The following SAMD4A variants were observed in gnomAD, a reference collection of about 807,000 sequenced individuals.
The protein encoded by SAMD4A is sterile alpha motif domain containing 4A.
A neutral mutation model predicts 81.3 loss-of-function variants in SAMD4A; 33 were observed. The observed-to-expected ratio is 0.41, with a 90% CI of 0.31 to 0.54. SAMD4A has a LOEUF of 0.54. SAMD4A is among the 20% of genes least tolerant of loss of function. SAMD4A has a pLI of 0.37. For synonymous variants in SAMD4A, 389 were observed against 382.1 expected, an observed-to-expected ratio of 1.02 and a Z score of -0.21; for missense variants, 854 against 951.1, an observed-to-expected ratio of 0.90 and a Z score of 1.34.
At chr14:54,635,806 T>G (rs1439372015) in intron 2 of SAMD4A, among the ~76,000 whole-genome samples, 1 of 152,036 alleles carries the variant, frequency 6.6e-6, no homozygotes, top group African/African-American at 2.4e-5. Context: ...CACTGCAAAT[T>G]AAACCACCAG....
chr14:54,609,990 G>A (rs550139141), intron 2 of SAMD4A, among the ~76,000 whole-genome samples: 30 of 152,272 alleles, frequency 2.0e-4, no homozygotes, highest in African/African-American at 6.3e-4. Flanking sequence ...TTAAATCAGC[G>A]TACCTCAGGT....
At chr14:54,696,109 G>A (rs2036572301) in intron 2 of SAMD4A, among the ~76,000 whole-genome samples, 1 of 152,074 alleles carries the variant, frequency 6.6e-6, no homozygotes, top group Admixed American at 6.5e-5. Flanking sequence ...CCACTAGCAG[G>A]GCTCCCACCA....
chr14:54,626,059 T>TGCGCGCGCGCGC (rs113491666), intron 2 of SAMD4A, among the ~76,000 whole-genome samples: 11 of 102,096 alleles, frequency 1.1e-4, no homozygotes, highest in East Asian at 2.7e-4. Context: ...TGTGTGTGTG[T>TGCGCGCGCGCGC]GCGCGCGCGC....
intron 3 of SAMD4A, among the ~76,000 whole-genome samples, chr14:54,731,004 G>C (rs2037546520): frequency 6.6e-6 from 1 of 152,128 alleles, no homozygotes; most frequent in Admixed American, 6.6e-5. Flanking sequence ...TTATACAAGT[G>C]GTGTTAGCAG....
chr14:54,584,526 C>CTT (rs1428691076), intron 2 of SAMD4A, among the ~76,000 whole-genome samples: 2 of 152,066 alleles, frequency 1.3e-5, no homozygotes, highest in African/African-American at 4.8e-5. Flanking sequence ...TCAAGTTAAC[C>CTT]ATCAGTACAG....
chr14:54,611,663 G>A (rs2034358753), intron 2 of SAMD4A, among the ~76,000 whole-genome samples: 1 of 152,008 alleles, frequency 6.6e-6, no homozygotes, highest in Non-Finnish European at 1.5e-5. Context: ...GATGACTTGA[G>A]GTCAAGAGTT....
At position 54,603,806 on chromosome 14, in the gene SAMD4A, GTTTGTTTA is replaced by G. The variant is rs576394412; in HGVS notation, c.196+35714_196+35721del. Among the ~76,000 whole-genome samples, 525 of 149,484 alleles carry G rather than the reference GTTTGTTTA, an allele frequency of 3.5e-3. 4 individuals carry two copies. The highest frequency in any genetic ancestry group is 9.9e-3 in the African/African-American group (404 of 40,734). On this transcript the variant is annotated intron_variant, in intron 2 of 12. Transcript: ENST00000554335. ...TTTCCATTATTTTATTTGTTTGTTT[GTTTGTTTA>G]TTTGTTTATTTGTTTATTTATTTAT...
At chr14:54,752,999 C>T (rs2038147615) in intron 6 of SAMD4A, among the ~76,000 whole-genome samples, 1 of 152,272 alleles carries the variant, frequency 6.6e-6, no homozygotes, top group Admixed American at 6.5e-5. Context: ...GCAAACCTGT[C>T]TTGCCTCCCA....
At chr14:54,742,154 A>G (rs566296322) in intron 4 of SAMD4A, among the ~76,000 whole-genome samples, 1 of 152,260 alleles carries the variant, frequency 6.6e-6, no homozygotes, top group South Asian at 2.1e-4. Flanking sequence ...TGCAAGCAGC[A>G]GTGAGAATAG....
chr14:54,589,079 A>G (rs1436172988), intron 2 of SAMD4A, among the ~76,000 whole-genome samples: 1 of 152,226 alleles, frequency 6.6e-6, no homozygotes. Context: ...TAAACAGTAT[A>G]TCAAAGAGCT....
intron 2 of SAMD4A, among the ~76,000 whole-genome samples, chr14:54,621,833 T>C (rs1220760043): frequency 6.6e-6 from 1 of 152,170 alleles, no homozygotes; most frequent in Non-Finnish European, 1.5e-5. Context: ...GTTTTGTAAG[T>C]GTGTCCAAGT....
At chr14:54,723,467 C>T (rs2037315575) in intron 3 of SAMD4A, among the ~76,000 whole-genome samples, 1 of 152,186 alleles carries the variant, frequency 6.6e-6, no homozygotes, top group African/African-American at 2.4e-5. Flanking sequence ...TCCCCTGATA[C>T]TGTCCCTCTA....
intron 9 of SAMD4A, among the ~76,000 whole-genome samples, chr14:54,774,398 CA>C (rs1229624839): frequency 1.3e-5 from 2 of 152,176 alleles, no homozygotes; most frequent in Non-Finnish European, 2.9e-5. Flanking sequence ...CTGTAGGCTT[CA>C]TAACTGTCAA....
At position 54,768,946 on chromosome 14, in the gene SAMD4A, C is replaced by A. The variant is rs150254486; in HGVS notation, c.1597-1158C>A. Among the ~76,000 whole-genome samples the A allele has an allele frequency of 4.8e-3, 727 of 152,274 alleles. 5 individuals carry two copies. Among genetic ancestry groups the A allele is most frequent in the Non-Finnish European group, 8.1e-3 (550 of 68,018 alleles). On this transcript the variant is annotated intron_variant, in intron 8 of 12. Coordinates refer to ENST00000554335, the MANE Select transcript of SAMD4A (RefSeq NM_015589.6). Reference sequence around the variant, plus strand: ...TTTTCTCCATTTAAGGAATCTGTTTCCTTTATGGGAACTAGTCATTTAGTC... The same window carrying A: ...TTTTCTCCATTTAAGGAATCTGTTTACTTTATGGGAACTAGTCATTTAGTC...
At chr14:54,593,423 A>G (rs2033834097) in intron 2 of SAMD4A, among the ~76,000 whole-genome samples, 1 of 152,160 alleles carries the variant, frequency 6.6e-6, no homozygotes, top group African/African-American at 2.4e-5. Context: ...TGTTAGCCAG[A>G]ATGGGTCTCA....
intron 2 of SAMD4A, among the ~76,000 whole-genome samples, chr14:54,663,972 C>T (rs1247613391): frequency 6.6e-6 from 1 of 152,092 alleles, no homozygotes; most frequent in Non-Finnish European, 1.5e-5. Context: ...AGCTAAGTAA[C>T]GTTTAAACAA....
chr14:54,652,060 C>T (rs1318756514), intron 2 of SAMD4A, among the ~76,000 whole-genome samples: 1 of 152,208 alleles, frequency 6.6e-6, no homozygotes, highest in Admixed American at 6.5e-5. Flanking sequence ...GAAAGCACAC[C>T]AGAACTTTGC....
intron 8 of SAMD4A, among the ~76,000 whole-genome samples, chr14:54,769,219 A>C (rs1466862431): frequency 6.6e-6 from 1 of 152,210 alleles, no homozygotes; most frequent in African/African-American, 2.4e-5. Context: ...CACTTGGTAC[A>C]AACACAAACT....
rs149789412 is a variant in SAMD4A, at chr14:54,769,951, C to T, written c.1597-153C>T. ...CTTAAATTTTCAAAATAGGGCAGCT[C>T]CCAAATTAAACTGACTACGTTTGGA... On this transcript the variant is annotated intron_variant, in intron 8 of 12. Transcript: ENST00000554335. 1.4e-3 allele frequency among the ~76,000 whole-genome samples: 214 copies of T among 152,246 alleles called. 1 individual carries two copies. Among genetic ancestry groups the T allele is most frequent in the African/African-American group, 4.9e-3 (204 of 41,546 alleles).
Sources: allele counts gnomAD v4.1 joint callset (sites outside exome capture counted in the v4.1 genomes callset), GRCh38; gene constraint gnomAD v4.1.1; transcripts MANE v1.5; gene names NCBI Gene and HGNC (gene_info 2026-07-23, HGNC 2026-07-21).